The following MYT1L variants were observed in gnomAD, a reference collection of about 807,000 sequenced individuals.
The protein encoded by MYT1L is myelin transcription factor 1-like protein.
Under a neutral mutation model 126.7 loss-of-function variants are expected in MYT1L, and 12 were observed. That is an observed-to-expected ratio of 0.09 (90% confidence interval 0.06 to 0.15). The LOEUF is 0.15. Ranked by LOEUF, MYT1L falls within the 10% of genes least tolerant of loss-of-function variation. The probability of loss-of-function intolerance (pLI) is 1.00; values close to 1 mark genes in which losing one functional copy is unlikely to be tolerated. For synonymous variants in MYT1L, 541 were observed against 604.2 expected, an observed-to-expected ratio of 0.90 and a Z score of 1.53; for missense variants, 979 against 1,585.2, an observed-to-expected ratio of 0.62 and a Z score of 6.49.
intron 2 of MYT1L, among the ~76,000 whole-genome samples, chr2:2,221,207 G>A (rs1289884660): frequency 6.6e-6 from 1 of 152,176 alleles, no homozygotes; most frequent in African/African-American, 2.4e-5. Flanking sequence ...TGAAGAACTT[G>A]GGGGCTGAGC....
At chr2:1,994,647 A>T (rs949777841) in intron 5 of MYT1L, among the ~76,000 whole-genome samples, 1 of 152,182 alleles carries the variant, frequency 6.6e-6, no homozygotes. Context: ...CAAGTAATAG[A>T]CAGTGTTCTG....
chr2:2,126,752 C>T (rs1394635317), intron 3 of MYT1L, among the ~76,000 whole-genome samples: 1 of 152,214 alleles, frequency 6.6e-6, no homozygotes, highest in African/African-American at 2.4e-5. Flanking sequence ...GCCCCAAGTG[C>T]CAAGGCTCCA....
intron 1 of MYT1L, among the ~76,000 whole-genome samples, chr2:2,309,754 G>T (rs565324740): frequency 6.6e-6 from 1 of 151,438 alleles, no homozygotes; most frequent in Non-Finnish European, 1.5e-5. Flanking sequence ...TACAACTTCA[G>T]TATGCTCTGT....
rs189335102 is a variant in MYT1L at position 2,181,485 on chromosome 2, T to C, written c.-420-8497A>G. 2.1e-4 allele frequency among the ~76,000 whole-genome samples: 32 copies of C among 152,200 alleles called. No individual in the cohort carries two copies. In the South Asian group the frequency reaches 5.4e-3, roughly 26 times the overall value. ...CAGTAAGCCCCGCTCTTAAAATATA[T>C]AGAAATTACCGTCTGTCAGAGGCTG... On this transcript the variant is annotated intron_variant, in intron 2 of 24. Transcript: ENST00000647738.
intron 9 of MYT1L, among the ~76,000 whole-genome samples, chr2:1,936,683 G>A (rs950117942): frequency 3.9e-5 from 6 of 152,148 alleles, no homozygotes; most frequent in Admixed American, 3.3e-4. Context: ...GTCTGTCTGC[G>A]TTTCAACTTG....
At chr2:2,062,252 CAATTAATAT>C (rs1369697808) in intron 3 of MYT1L, among the ~76,000 whole-genome samples, 1 of 152,236 alleles carries the variant, frequency 6.6e-6, no homozygotes, top group Non-Finnish European at 1.5e-5. Context: ...TACTACCCTG[CAATTAATAT>C]AATTGTGTCC....
Position 1,912,702 on chromosome 2 carries a change from G to A in MYT1L, c.1619-592C>T, listed in dbSNP as rs1044341317. Reference sequence around the variant, plus strand: ...AAGTGCTTTATTATTCTTTAAATAGGATGAGCTAGAAGAGTAAGCGTCTGC... The same window carrying A: ...AAGTGCTTTATTATTCTTTAAATAGAATGAGCTAGAAGAGTAAGCGTCTGC... On this transcript the variant is annotated intron_variant, in intron 11 of 24. Transcript: ENST00000647738. The surrounding 1 kb of genome is among the most constrained non-coding windows in gnomAD (Gnocchi z 4.3). Among the ~76,000 whole-genome samples the A allele has an allele frequency of 2.0e-5, 3 of 151,962 alleles. No homozygotes were observed. The highest frequency in any genetic ancestry group is 4.4e-5 in the Non-Finnish European group (3 of 67,978).
In MYT1L at chr2:1,996,220, G is replaced by C. The variant is rs1039174200; in HGVS notation, c.-1+971C>G. Among the ~76,000 whole-genome samples, 6 of 152,246 alleles carry C rather than the reference G, an allele frequency of 3.9e-5. No homozygotes were observed. The East Asian group carries it at 1.2e-3, about 29-fold the overall frequency. On this transcript the variant is annotated intron_variant, in intron 5 of 24. Transcript: ENST00000647738. ...ATTTAGTTCTTTTCTCACACGCAGA[G>C]AGCACACAACCTAACCGTCTACAGT...
intron 1 of MYT1L, chr2:2,305,866 C>T (rs552387673): frequency 6.6e-6 from 1 of 152,284 alleles, no homozygotes; most frequent in Admixed American, 6.5e-5. Flanking sequence ...CAATCACCTC[C>T]CTCTCCAACA....
chr2:2,023,643 A>T (rs2065249586), intron 4 of MYT1L, among the ~76,000 whole-genome samples: 1 of 151,644 alleles, frequency 6.6e-6, no homozygotes, highest in East Asian at 1.9e-4. Context: ...TTTTCAAACA[A>T]CATAGAGGAC....
rs955664241 is a variant in MYT1L at position 2,231,813 on chromosome 2, T to A, written c.-421+52591A>T. Among the ~76,000 whole-genome samples, 33 of 152,244 alleles carry A rather than the reference T, an allele frequency of 2.2e-4. 1 individual carries two copies. Among genetic ancestry groups the A allele is most frequent in the Admixed American group, 9.8e-4 (15 of 15,288 alleles). Reference sequence around the variant, plus strand: ...AATGACAACTTAAGGACTCTAACAATTGGATTTCCACGATAACTCCTCCCA... The same window carrying A: ...AATGACAACTTAAGGACTCTAACAAATGGATTTCCACGATAACTCCTCCCA... On this transcript the variant is annotated intron_variant, in intron 2 of 24. Transcript: ENST00000647738.
At chr2:2,098,006 A>G (rs1362790286) in intron 3 of MYT1L, among the ~76,000 whole-genome samples, 3 of 152,172 alleles carry the variant, frequency 2.0e-5, no homozygotes, top group Non-Finnish European at 2.9e-5. Flanking sequence ...CACTCTTGCC[A>G]TATAGAAATG....
chr2:1,963,668 A>T (rs957466266), intron 8 of MYT1L, among the ~76,000 whole-genome samples: 4 of 152,232 alleles, frequency 2.6e-5, no homozygotes, highest in African/African-American at 9.6e-5. Flanking sequence ...TTTACCTTGT[A>T]CTTTTAAGTT....
At chr2:2,046,134 G>A (rs570425037) in intron 4 of MYT1L, among the ~76,000 whole-genome samples, 5 of 152,298 alleles carry the variant, frequency 3.3e-5, no homozygotes, top group Non-Finnish European at 7.4e-5. Context: ...GATATACTAT[G>A]AAAAGCAATT....
chr2:2,162,980 ATAAAAG>A (rs557823793), intron 3 of MYT1L, among the ~76,000 whole-genome samples: 183 of 152,298 alleles, frequency 1.2e-3, no homozygotes, highest in African/African-American at 4.1e-3. Flanking sequence ...GCCCGCACTG[ATAAAAG>A]TAGAAGTGGA....
At chr2:2,268,577 G>T (rs2095191186) in intron 2 of MYT1L, among the ~76,000 whole-genome samples, 2 of 151,912 alleles carry the variant, frequency 1.3e-5, no homozygotes, top group African/African-American at 4.8e-5. Flanking sequence ...AACTTTTTTG[G>T]CCTGAGTAAT....
At chr2:2,041,876 T>C (rs1174356203) in intron 4 of MYT1L, among the ~76,000 whole-genome samples, 1 of 152,212 alleles carries the variant, frequency 6.6e-6, no homozygotes, top group African/African-American at 2.4e-5. Context: ...TGTAGAAAAG[T>C]TTCTTCCTTC....
At chr2:2,310,238 A>G (rs1374196614) in intron 1 of MYT1L, among the ~76,000 whole-genome samples, 1 of 151,698 alleles carries the variant, frequency 6.6e-6, no homozygotes, top group African/African-American at 2.4e-5. Flanking sequence ...ATTTCAGCAT[A>G]CTCTACCTAT....
intron 8 of MYT1L, among the ~76,000 whole-genome samples, chr2:1,967,743 GA>G (rs1428414441): frequency 6.6e-6 from 1 of 152,192 alleles, no homozygotes; most frequent in African/African-American, 2.4e-5. Context: ...TGTGGCCAAA[GA>G]GGGGGTGTTT....
Sources: gnomAD v4.1 joint callset for allele counts (sites outside exome capture counted in the v4.1 genomes callset) on GRCh38, gnomAD v4.1.1 for gene constraint, Gnocchi (gnomAD v3.1) non-coding constraint, MANE v1.5 for transcripts, NCBI Gene and HGNC (gene_info 2026-07-23, HGNC 2026-07-21) for gene names.